The following CYYR1 variants were observed in gnomAD, a reference collection of about 807,000 sequenced individuals.
CYYR1 encodes cysteine and tyrosine rich 1.
Under a neutral mutation model 15.2 loss-of-function variants are expected in CYYR1, and 14 were observed. The ratio of observed to expected loss-of-function variants is 0.92; its 90% CI spans 0.61 to 1.44. The LOEUF (loss-of-function observed/expected upper bound fraction) is 1.44. Ranked by LOEUF, CYYR1 falls within the 40% of genes most tolerant of loss-of-function variation. CYYR1 has a pLI of 0.00. For synonymous variants in CYYR1, 80 were observed against 77.4 expected (o/e 1.03, Z -0.18); for missense variants, 228 against 209.5 (o/e 1.09, Z -0.54).
chr21:26,523,214 T>C (rs1251688488), intron 2 of CYYR1, among the ~76,000 whole-genome samples: 2 of 152,236 alleles, frequency 1.3e-5, no homozygotes, highest in Non-Finnish European at 2.9e-5. Flanking sequence ...AACTTTGTCC[T>C]TCTAATCTGT....
At chr21:26,572,042 T>C (rs1488307688) in intron 1 of CYYR1, among the ~76,000 whole-genome samples, 1 of 152,246 alleles carries the variant, frequency 6.6e-6, no homozygotes, top group East Asian at 1.9e-4. Context: ...TTCAGTGCTA[T>C]ATATACATTT....
intron 2 of CYYR1, among the ~76,000 whole-genome samples, chr21:26,499,844 T>G (rs549030172): frequency 2.6e-5 from 4 of 151,676 alleles, no homozygotes; most frequent in East Asian, 3.9e-4. Context: ...TTGTTTTTTT[T>G]TTTTTTTTCA....
chr21:26,476,395 C>T (rs1393481817), intron 3 of CYYR1, among the ~76,000 whole-genome samples: 4 of 152,090 alleles, frequency 2.6e-5, no homozygotes, highest in South Asian at 2.1e-4. Context: ...TTAAGACCTG[C>T]GAATATCCTT....
Position 26,523,431 on chromosome 21 carries a change from A to G in CYYR1, c.176+42835T>C, listed in dbSNP as rs145634358. Among the ~76,000 whole-genome samples the G allele has an allele frequency of 1.0e-3, 155 of 152,268 alleles. 1 individual carries two copies. The highest frequency in any genetic ancestry group is 3.5e-3 in the African/African-American group (146 of 41,548). ...AGTGGCCTTTTAAAATAAAATACCA[A>G]TCAGATCATTCCATTCCCTTATTTA... On this transcript the variant is annotated intron_variant, in intron 2 of 3. Coordinates refer to ENST00000652641, the MANE Select transcript of CYYR1 (RefSeq NM_001320768.2).
rs139336684 is a variant in CYYR1, at chr21:26,508,893, C to G, written c.177-28464G>C. Among the ~76,000 whole-genome samples, 7 of 152,298 alleles carry G rather than the reference C, an allele frequency of 4.6e-5. 1 individual carries two copies. Among genetic ancestry groups the G allele is most frequent in the African/African-American group, 1.7e-4 (7 of 41,562 alleles). ...TCATCAGTATAATGTGCATTGTGAA[C>G]TAAGACCACGAGCATTGGTTTAGTG... On this transcript the variant is annotated intron_variant, in intron 2 of 3. Coordinates refer to ENST00000652641, the MANE Select transcript of CYYR1 (RefSeq NM_001320768.2).
At chr21:26,476,774 G>A (rs1490000808) in intron 3 of CYYR1, among the ~76,000 whole-genome samples, 1 of 151,782 alleles carries the variant, frequency 6.6e-6, no homozygotes, top group African/African-American at 2.4e-5. Flanking sequence ...CAAGCCTTTT[G>A]TTACAGTTTT....
At chr21:26,543,731 C>A (rs998908762) in intron 2 of CYYR1, among the ~76,000 whole-genome samples, 2 of 152,088 alleles carry the variant, frequency 1.3e-5, no homozygotes, top group Non-Finnish European at 2.9e-5. Context: ...CAAGGTAAAA[C>A]CCCGTCTCTA....
chr21:26,472,170 C>T (rs2065043448), intron 3 of CYYR1, among the ~76,000 whole-genome samples: 1 of 152,154 alleles, frequency 6.6e-6, no homozygotes, highest in South Asian at 2.1e-4. Flanking sequence ...TATACTTTTT[C>T]ACTTTGTATT....
intron 2 of CYYR1, among the ~76,000 whole-genome samples, chr21:26,495,034 A>C (rs2065376979): frequency 6.6e-6 from 1 of 152,206 alleles, no homozygotes; most frequent in African/African-American, 2.4e-5. Context: ...GGAAAGAGGA[A>C]CAACCTGAGA....
intron 2 of CYYR1, among the ~76,000 whole-genome samples, chr21:26,536,729 A>G (rs1978305461): frequency 6.6e-6 from 1 of 152,070 alleles, no homozygotes; most frequent in African/African-American, 2.4e-5. Context: ...ATGCCTCTTG[A>G]TGTTACCTGG....
chr21:26,566,311 G>A lies in CYYR1; in HGVS notation c.131C>T (p.Thr44Met), dbSNP rs79874795. The A allele has an allele frequency of 1.4e-3, 2,316 of 1,613,922 alleles. 29 individuals are homozygous for A. In the African/African-American group the frequency reaches 0.025, roughly 18 times the overall value. The stretch of plus-strand genomic sequence containing the variant: ...AGCGTAGTAGGAGCAACAGTAGGGC[G>A]TGGTTCCATCACAGCAGTAAGATTT... The part of the protein sequence containing the change: ...DCKSYCCDGT[T>M]PYCCSYYAYI... Residue 44 changes from threonine to methionine, a missense_variant, in exon 2 of 4, where the codon ACG becomes ATG. Coordinates refer to ENST00000652641, the MANE Select transcript of CYYR1 (RefSeq NM_001320768.2).
chr21:26,554,621 A>G (rs1979637863), intron 2 of CYYR1, among the ~76,000 whole-genome samples: 1 of 152,048 alleles, frequency 6.6e-6, no homozygotes, highest in Non-Finnish European at 1.5e-5. Flanking sequence ...GGGGAGAGGC[A>G]GGTGGTACTC....
At chr21:26,516,347 T>C (rs902682364) in intron 2 of CYYR1, among the ~76,000 whole-genome samples, 3 of 152,216 alleles carry the variant, frequency 2.0e-5, no homozygotes, top group African/African-American at 7.2e-5. Context: ...GACTTGTCAT[T>C]TGATAAATAT....
intron 2 of CYYR1, among the ~76,000 whole-genome samples, chr21:26,563,490 T>G (rs1425049356): frequency 5.9e-5 from 9 of 152,078 alleles, no homozygotes; most frequent in Admixed American, 5.9e-4. Context: ...GAGAATTGCT[T>G]GAACTCAGGA....
At chr21:26,520,776 C>G (rs1321916862) in intron 2 of CYYR1, among the ~76,000 whole-genome samples, 1 of 152,188 alleles carries the variant, frequency 6.6e-6, no homozygotes, top group Admixed American at 6.5e-5. Context: ...GCCATTCTGA[C>G]TGGCATGAGA....
chr21:26,470,309 T>C (rs1285499144), intron 3 of CYYR1, among the ~76,000 whole-genome samples: 2 of 152,138 alleles, frequency 1.3e-5, no homozygotes, highest in African/African-American at 4.8e-5. Context: ...TAAACAGACA[T>C]AGACATACAT....
chr21:26,557,039 T>C (rs1337107919), intron 2 of CYYR1, among the ~76,000 whole-genome samples: 2 of 152,138 alleles, frequency 1.3e-5, no homozygotes, highest in Non-Finnish European at 1.5e-5. Flanking sequence ...GTATGTCTCA[T>C]TTTAAATGCC....
At chr21:26,539,544 T>C (rs1453965755) in intron 2 of CYYR1, among the ~76,000 whole-genome samples, 5 of 152,216 alleles carry the variant, frequency 3.3e-5, no homozygotes, top group African/African-American at 1.2e-4. Flanking sequence ...TAATCCATAC[T>C]GTAGTTTTCA....
At chr21:26,539,630 A>G (rs1005153595) in intron 2 of CYYR1, among the ~76,000 whole-genome samples, 1 of 152,154 alleles carries the variant, frequency 6.6e-6, no homozygotes, top group Admixed American at 6.5e-5. Flanking sequence ...TTTGTGTTGA[A>G]AGGATTAGCT....
Sources: allele counts gnomAD v4.1 joint callset (sites outside exome capture counted in the v4.1 genomes callset), GRCh38; gene constraint gnomAD v4.1.1; transcripts MANE v1.5; gene names NCBI Gene and HGNC (gene_info 2026-07-23, HGNC 2026-07-21).